Variants in CRLF3 observed in about 807,000 individuals in gnomAD.
The protein encoded by CRLF3 is cytokine receptor-like factor 3.
In CRLF3, 33 loss-of-function variants were observed where a neutral mutation model predicts 55.0. The observed-to-expected ratio is 0.60, with a 90% CI of 0.46 to 0.80. The LOEUF (loss-of-function observed/expected upper bound fraction) is 0.80. CRLF3 is among the 30% of genes least tolerant of loss of function. The pLI is 0.00. For missense variants in CRLF3, 494 were observed against 538.4 expected, an observed-to-expected ratio of 0.92 and a Z score of 0.82; for synonymous variants, 238 against 196.8, an observed-to-expected ratio of 1.21 and a Z score of -1.75.
chr17:30,793,144 C>G (rs975548280), intron 5 of CRLF3, among the ~76,000 whole-genome samples: 1 of 151,530 alleles, frequency 6.6e-6, no homozygotes, highest in African/African-American at 2.4e-5. Flanking sequence ...CTCAAAAAAA[C>G]TAACTAAATA....
rs1479505285 is a variant in CRLF3 at position 30,792,575 on chromosome 17, TTTTCAAAGCAAAGA to T, written c.827-17_827-4del. 1 of 1,590,124 alleles carries T rather than the reference TTTTCAAAGCAAAGA, an allele frequency of 6.3e-7. No individual in the cohort carries two copies. Among genetic ancestry groups the T allele is most frequent in the Admixed American group, 1.7e-5 (1 of 59,690 alleles). On this transcript the variant is annotated splice_region_variant and splice_polypyrimidine_tract_variant and intron_variant, in intron 5 of 7. Transcript: ENST00000324238. ...CCCCTCAAAACCAGCTGTCCACTCT[TTTTCAAAGCAAAGA>T]TATTGAAAACTGTTAGAATCTCTTG...
intron 6 of CRLF3, among the ~76,000 whole-genome samples, chr17:30,791,124 C>T (rs1252333544): frequency 6.6e-6 from 1 of 151,992 alleles, no homozygotes; most frequent in East Asian, 1.9e-4. Flanking sequence ...GCCCTGTTGC[C>T]AGGCTGAAGT....
At chr17:30,811,025 G>A (rs144274367) in intron 1 of CRLF3, among the ~76,000 whole-genome samples, 1 of 152,250 alleles carries the variant, frequency 6.6e-6, no homozygotes, top group African/African-American at 2.4e-5. Context: ...AGAGGTTGAG[G>A]CTTCAGTGGG....
At position 30,788,599 on chromosome 17, in the gene CRLF3, CTTTTT is replaced by C. The variant is rs1159336036; in HGVS notation, c.960-2573_960-2569del. 1.0e-3 allele frequency among the ~76,000 whole-genome samples: 83 copies of C among 80,032 alleles called. 1 individual carries two copies. The South Asian group carries it at 0.017, about 16-fold the overall frequency. The allele number at this position is 80,032 out of a possible 152,430, so 52.5% of individuals were successfully genotyped here. On this transcript the variant is annotated intron_variant, in intron 6 of 7. Transcript: ENST00000324238. ...GGGATAAATAACAAAGTAGTGCCTT[CTTTTT>C]TTTTTTTTTTTTTTTTTTTTTGAGA...
intron 1 of CRLF3, among the ~76,000 whole-genome samples, chr17:30,805,879 C>T (rs569090483): frequency 8.2e-4 from 125 of 151,826 alleles, no homozygotes; most frequent in African/African-American, 2.8e-3. Context: ...AAAAATTAGC[C>T]GGGCATGGTG....
At chr17:30,819,463 T>C (rs1159411374) in intron 1 of CRLF3, among the ~76,000 whole-genome samples, 1 of 152,180 alleles carries the variant, frequency 6.6e-6, no homozygotes, top group Non-Finnish European at 1.5e-5. Flanking sequence ...CGTGACATTT[T>C]GATCAGTTAT....
At position 30,796,157 on chromosome 17, in the gene CRLF3, TA is replaced by T. The variant is rs770869346; in HGVS notation, c.603+2del. On this transcript the variant is annotated splice_donor_variant, in intron 4 of 7. Coordinates refer to ENST00000324238, the MANE Select transcript of CRLF3 (RefSeq NM_015986.4). LOFTEE classifies it high-confidence loss of function. ...GTCATTTCTAGAATTCTGAATTACATACCTTACACCATCGTACAATGATGCC... is the reference window on the plus strand; with the variant it reads ...GTCATTTCTAGAATTCTGAATTACATCCTTACACCATCGTACAATGATGCC... 1 of 1,589,304 alleles carries T rather than the reference TA, an allele frequency of 6.3e-7. No homozygotes were observed. The highest frequency in any genetic ancestry group is 8.6e-7 in the Non-Finnish European group (1 of 1,167,184).
At position 30,793,583 on chromosome 17, in the gene CRLF3, T is replaced by C; in HGVS notation, c.693A>G (p.Glu231=). The change falls in exon 5 of 8, where the codon GAA becomes GAG. Residue 231 remains glutamate (E), a synonymous_variant. Transcript: ENST00000324238. ...NHFEDVYVGS[E]TEFIVLHIDP... ...CTATGTGCAATACTATGAATTCAGT[T>C]TCAGAACCTACATATACATCCTCAA... 1 of 1,614,020 alleles carries C rather than the reference T, an allele frequency of 6.2e-7. No homozygotes were observed. The highest frequency in any genetic ancestry group is 8.5e-7 in the Non-Finnish European group (1 of 1,179,960).
rs147281630 is a variant in CRLF3, at chr17:30,787,986, C to T, written c.960-1955G>A. Reference sequence around the variant, plus strand: ...CTGCACTTCAACCTGGGCGACAGAGCGAGACCTTGTCTTAAACAAAAAGAG... The same window carrying T: ...CTGCACTTCAACCTGGGCGACAGAGTGAGACCTTGTCTTAAACAAAAAGAG... On this transcript the variant is annotated intron_variant, in intron 6 of 7. Transcript: ENST00000324238. Among the ~76,000 whole-genome samples, 1,333 of 149,586 alleles carry T rather than the reference C, an allele frequency of 8.9e-3. 19 individuals are homozygous for T. Among genetic ancestry groups the T allele is most frequent in the African/African-American group, 0.031 (1,253 of 40,590 alleles).
chr17:30,800,965 G>A (rs1971998801), intron 2 of CRLF3: 1 of 152,234 alleles, frequency 6.6e-6, no homozygotes. Flanking sequence ...AAGTAGAGAT[G>A]GGGTTTCACT....
chr17:30,785,875 T>C (rs770895531), intron 7 of CRLF3, 44 bp downstream of exon 7: 3 of 1,025,250 alleles, frequency 2.9e-6, no homozygotes, highest in East Asian at 4.8e-5. Flanking sequence ...ATTACTAAAA[T>C]AATTAATATA....
chr17:30,824,434 A>G, intron 1 of CRLF3, 89 bp downstream of exon 1: 1 of 1,262,496 alleles, frequency 7.9e-7, no homozygotes, highest in Non-Finnish European at 1.1e-6. Flanking sequence ...GTTTTCGGAC[A>G]GTCCCACCCC....
At chr17:30,788,142 C>G (rs1005636478) in intron 6 of CRLF3, among the ~76,000 whole-genome samples, 1 of 151,520 alleles carries the variant, frequency 6.6e-6, no homozygotes, top group Non-Finnish European at 1.5e-5. Context: ...TCCTGGCTAA[C>G]ACGGTGAAAC....
At chr17:30,807,796 T>C (rs1437445036) in intron 1 of CRLF3, among the ~76,000 whole-genome samples, 1 of 152,132 alleles carries the variant, frequency 6.6e-6, no homozygotes, top group African/African-American at 2.4e-5. Context: ...AGTGCTGGGA[T>C]AAGGCGTGAG....
At position 30,796,203 on chromosome 17, in the gene CRLF3, T is replaced by G. The variant is rs1971915029; in HGVS notation, c.560A>C (p.Glu187Ala). The G allele has an allele frequency of 6.2e-7, 1 of 1,613,658 alleles. No homozygotes were observed. The highest frequency in any genetic ancestry group is 1.1e-5 in the South Asian group (1 of 91,022). Reference protein sequence around the residue: ...VASRPPVQIEELIEKPGGIIV... With the variant: ...VASRPPVQIEALIEKPGGIIV... ...GATGCCTCCAGGTTTCTCTATTAGT[T>G]CTTCTATCTGTACTGGTGGGCGAGA... is the stretch of plus-strand genomic sequence containing the variant. Residue 187 changes from glutamate (E) to alanine (A), a missense_variant, in exon 4 of 8, where the codon GAA (glutamate) becomes GCA (alanine). Physicochemically the swap from Glu to Ala is moderately radical, Grantham distance 107. Transcript: ENST00000324238.
intron 2 of CRLF3, among the ~76,000 whole-genome samples, 167 bp from the exon 3 acceptor site, chr17:30,797,565 C>CT (rs1436670945): frequency 6.6e-6 from 1 of 152,086 alleles, no homozygotes; most frequent in African/African-American, 2.4e-5. Context: ...AGACGTGACT[C>CT]TAAGATCAAA....
Position 30,784,276 on chromosome 17 carries a change from C to T in CRLF3, c.1240G>A (p.Val414Ile). 1 of 1,613,906 alleles carries T rather than the reference C, an allele frequency of 6.2e-7. No homozygotes were observed. Among genetic ancestry groups the T allele is most frequent in the Non-Finnish European group, 8.5e-7 (1 of 1,179,816 alleles). Reference protein sequence around the residue: ...VTISSNNREVVFDWLLDQSCG... With the variant: ...VTISSNNREVIFDWLLDQSCG... Reference sequence around the variant, plus strand: ...GACTGATCAAGTAACCAGTCAAAAACCACTTCTCTATTATTTGAACTTATA... The same window carrying T: ...GACTGATCAAGTAACCAGTCAAAAATCACTTCTCTATTATTTGAACTTATA... Residue 414 changes from valine (V) to isoleucine (I), a missense_variant, in exon 8 of 8, where the codon GTT becomes ATT. Physicochemically the swap from Val to Ile is conservative, Grantham distance 29. Coordinates refer to ENST00000324238, the MANE Select transcript of CRLF3 (RefSeq NM_015986.4).
intron 1 of CRLF3, among the ~76,000 whole-genome samples, chr17:30,815,852 T>C (rs1462027212): frequency 1.3e-5 from 2 of 151,038 alleles, no homozygotes; most frequent in African/African-American, 4.9e-5. Flanking sequence ...CCAGAATGGC[T>C]TGTTTTAATT....
At chr17:30,815,541 CT>C (rs57194440) in intron 1 of CRLF3, among the ~76,000 whole-genome samples, 21,295 of 116,246 alleles carry the variant, frequency 0.18, 1,535 homozygotes, top group African/African-American at 0.29. Context: ...CTAGTTTCTT[CT>C]TTTTTTTTTT....
Sources: gnomAD v4.1 joint callset for allele counts (sites outside exome capture counted in the v4.1 genomes callset) on GRCh38, gnomAD v4.1.1 for gene constraint, MANE v1.5 for transcripts, NCBI Gene and HGNC (gene_info 2026-07-23, HGNC 2026-07-21) for gene names.